The following VPS13B variants were observed in gnomAD, a reference collection of about 807,000 sequenced individuals.
The protein encoded by VPS13B is vacuolar protein sorting 13 homolog B.
VPS13B carries 285 observed loss-of-function variants against 426.4 expected under a neutral mutation model. That is an observed-to-expected ratio of 0.67 (90% CI 0.61 to 0.74). The LOEUF is 0.74. Ranked by LOEUF, VPS13B falls within the 30% of genes least tolerant of loss-of-function variation. The pLI is 0.00. For synonymous variants in VPS13B, 1,676 were observed against 1,676.4 expected (o/e 1.00, Z 0.01); for missense variants, 4,537 against 4,782.6 (o/e 0.95, Z 1.51).
rs374852070 is a variant in VPS13B at position 99,611,686 on chromosome 8, G to A, written c.5221-30125G>A. Among the ~76,000 whole-genome samples the A allele has an allele frequency of 4.5e-4, 69 of 151,986 alleles. 1 individual carries two copies. Among genetic ancestry groups the A allele is most frequent in the African/African-American group, 1.6e-3 (65 of 41,504 alleles). On this transcript the variant is annotated intron_variant, in intron 33 of 61. Coordinates refer to ENST00000357162, the MANE Select transcript of VPS13B (RefSeq NM_152564.5). ...AAGCAGTCTTCTGTTTGATAACAAG[G>A]ATTGTTTTGTGGTAGATGTTTTGCT... is the stretch of plus-strand genomic sequence containing the variant.
At chr8:99,730,255 T>C (rs1833538156) in intron 39 of VPS13B, among the ~76,000 whole-genome samples, 1 of 152,048 alleles carries the variant, frequency 6.6e-6, no homozygotes, top group African/African-American at 2.4e-5. Context: ...GTTGTTGAAA[T>C]GCAGAAAGGA....
intron 23 of VPS13B, among the ~76,000 whole-genome samples, chr8:99,464,515 A>G (rs1819006095): frequency 6.6e-6 from 1 of 152,214 alleles, no homozygotes; most frequent in Non-Finnish European, 1.5e-5. Flanking sequence ...ATTGTTCACT[A>G]ACCGCAACAT....
rs386834095 is a variant in VPS13B at position 99,642,128 on chromosome 8, C to CA, written c.5540dup (p.Ser1848GlufsTer9). ...AACAGAAGAATAATGAAAAAACAGA[C>CA]AAGAGTTCATTAAATCTCCCAGAAG... On this transcript the variant is annotated frameshift_variant, in exon 34 of 62. Transcript: ENST00000357162. LOFTEE classifies it high-confidence loss of function. 20 of 1,613,982 alleles carry CA rather than the reference C, an allele frequency of 1.2e-5. No individual in the cohort carries two copies. The highest frequency in any genetic ancestry group is 1.7e-5 in the Non-Finnish European group (20 of 1,180,020).
chr8:99,642,305 A>G lies in VPS13B; in HGVS notation c.5715A>G (p.Arg1905=), dbSNP rs747863533. The G allele has an allele frequency of 2.5e-6, 4 of 1,614,166 alleles. No individual in the cohort carries two copies. Among genetic ancestry groups the G allele is most frequent in the Non-Finnish European group, 3.4e-6 (4 of 1,180,010 alleles). Residue 1905 remains arginine, a synonymous_variant, in exon 34 of 62, where the codon AGA becomes AGG. Coordinates refer to ENST00000357162, the MANE Select transcript of VPS13B (RefSeq NM_152564.5). ...ATGCATCCACAAGGTCATCTGCTAGACAAGCACTTGGTATAACTATTGTTC... is the reference window on the plus strand; with the variant it reads ...ATGCATCCACAAGGTCATCTGCTAGGCAAGCACTTGGTATAACTATTGTTC... The part of the protein sequence containing the change: ...SLHASTRSSA[R]QALGITIVRQ...
chr8:99,625,783 C>T (rs989868294), intron 33 of VPS13B, among the ~76,000 whole-genome samples: 5 of 152,080 alleles, frequency 3.3e-5, no homozygotes, highest in Admixed American at 1.3e-4. Flanking sequence ...GAAGCCGAGG[C>T]TGCAGTGAGC....
chr8:99,678,610 T>C, intron 35 of VPS13B, among the ~76,000 whole-genome samples: 1 of 152,154 alleles, frequency 6.6e-6, no homozygotes, highest in East Asian at 1.9e-4. Context: ...AGAGGTTTTG[T>C]ATTGCTCTAT....
intron 3 of VPS13B, among the ~76,000 whole-genome samples, chr8:99,048,857 T>C (rs1342907581): frequency 6.6e-6 from 1 of 151,976 alleles, no homozygotes; most frequent in Admixed American, 6.6e-5. Flanking sequence ...GTTAAGTGCA[T>C]ATGTATTTAG....
chr8:99,234,284 GTGTC>G (rs1816519144), intron 17 of VPS13B: 7 of 764,176 alleles, frequency 9.2e-6, no homozygotes, highest in South Asian at 8.1e-5. Flanking sequence ...AGCAGTTTCT[GTGTC>G]TGTGTTGACT....
At chr8:99,147,748 A>G in intron 13 of VPS13B, 93 bp from the exon 14 acceptor site, 2 of 816,000 alleles carry the variant, frequency 2.5e-6, no homozygotes, top group South Asian at 3.7e-5. Flanking sequence ...ACAGGATTTG[A>G]CCTTATAGTT....
intron 33 of VPS13B, among the ~76,000 whole-genome samples, chr8:99,600,928 A>C (rs1240235170): frequency 3.3e-5 from 5 of 152,152 alleles, no homozygotes; most frequent in Admixed American, 1.3e-4. Flanking sequence ...CTAAATAAAA[A>C]TGTTAGACTG....
chr8:99,076,049 G>A (rs180995014), intron 3 of VPS13B, among the ~76,000 whole-genome samples: 4 of 151,842 alleles, frequency 2.6e-5, no homozygotes, highest in East Asian at 3.9e-4. Context: ...ATGAGTTTTC[G>A]TATGTTGTAT....
chr8:99,220,335 C>T (rs1431720556), intron 17 of VPS13B, among the ~76,000 whole-genome samples: 1 of 152,162 alleles, frequency 6.6e-6, no homozygotes, highest in Admixed American at 6.5e-5. Flanking sequence ...ATACATATTA[C>T]TCTCTTAGGC....
chr8:99,057,862 CTT>C lies in VPS13B; in HGVS notation c.291+19297_291+19298del, dbSNP rs1442985327. Among the ~76,000 whole-genome samples, 24 of 152,268 alleles carry C rather than the reference CTT, an allele frequency of 1.6e-4. No individual in the cohort carries two copies. The East Asian group carries it at 2.9e-3, about 18-fold the overall frequency. ...TCTGTTTTCTACTGCTTTCCTATCT[CTT>C]GAGTGTATCTATTAGCTTTCATTGG... is the stretch of plus-strand genomic sequence containing the variant. On this transcript the variant is annotated intron_variant, in intron 3 of 61. Transcript: ENST00000357162.
At chr8:99,053,364 C>T (rs1173269092) in intron 3 of VPS13B, among the ~76,000 whole-genome samples, 1 of 152,048 alleles carries the variant, frequency 6.6e-6, no homozygotes, top group Admixed American at 6.5e-5. Flanking sequence ...TTGTTCAATT[C>T]CCACCTATGA....
intron 33 of VPS13B, among the ~76,000 whole-genome samples, chr8:99,620,986 CAAAAAAAAAA>C (rs397892235): frequency 3.9e-5 from 2 of 50,858 alleles, no homozygotes; most frequent in Non-Finnish European, 7.9e-5. Context: ...AACTCCATCT[CAAAAAAAAAA>C]AAAAAAAAAA....
chr8:99,184,236 C>T (rs1350818013), intron 16 of VPS13B, among the ~76,000 whole-genome samples: 1 of 152,140 alleles, frequency 6.6e-6, no homozygotes, highest in African/African-American at 2.4e-5. Context: ...GGGTAGATAC[C>T]TACAGGGGTA....
intron 21 of VPS13B, among the ~76,000 whole-genome samples, chr8:99,412,977 A>T (rs1009383786): frequency 1.2e-4 from 18 of 151,862 alleles, no homozygotes; most frequent in Non-Finnish European, 1.5e-5. Context: ...TTTACTGAGG[A>T]TTTTTGCATT....
intron 30 of VPS13B, among the ~76,000 whole-genome samples, chr8:99,532,429 C>T (rs957261878): frequency 1.3e-5 from 2 of 152,086 alleles, no homozygotes; most frequent in Non-Finnish European, 2.9e-5. Flanking sequence ...AGTGAGACTT[C>T]TGAAAGGTGT....
chr8:99,172,457 T>C (rs1467534568), intron 16 of VPS13B, among the ~76,000 whole-genome samples: 1 of 152,160 alleles, frequency 6.6e-6, no homozygotes, highest in East Asian at 1.9e-4. Flanking sequence ...TTGTCTCTTA[T>C]AAACTCTTTC....
Sources: gnomAD v4.1 joint callset for allele counts (sites outside exome capture counted in the v4.1 genomes callset) on GRCh38, gnomAD v4.1.1 for gene constraint, MANE v1.5 for transcripts, NCBI Gene and HGNC (gene_info 2026-07-23, HGNC 2026-07-21) for gene names.